The following PDGFC variants were observed in gnomAD, a reference collection of about 807,000 sequenced individuals.
PDGFC encodes platelet derived growth factor C.
A neutral mutation model predicts 35.5 loss-of-function variants in PDGFC; 12 were observed. That is an observed-to-expected ratio of 0.34 (90% CI 0.22 to 0.55). The LOEUF is 0.55. PDGFC is among the 20% of genes least tolerant of loss of function. The pLI, the probability that PDGFC is intolerant of heterozygous loss-of-function variation, is 0.91. For synonymous variants in PDGFC, 159 were observed against 148.8 expected, an observed-to-expected ratio of 1.07 and a Z score of -0.50; for missense variants, 322 against 412.4, an observed-to-expected ratio of 0.78 and a Z score of 1.90.
intron 1 of PDGFC, among the ~76,000 whole-genome samples, chr4:156,946,670 C>G (rs1217872112): frequency 1.3e-5 from 2 of 152,026 alleles, no homozygotes; most frequent in African/African-American, 4.8e-5. Context: ...ATGAGACAGA[C>G]AGAGCCCGGG....
In PDGFC at chr4:156,807,137, T is replaced by C. The variant is rs1168631439; in HGVS notation, c.495+3700A>G. The stretch of plus-strand genomic sequence containing the variant: ...GGCATCAATTTGCAGAAATTTATTT[T>C]TTATTAGTTATTAATGGAGCATGAC... On this transcript the variant is annotated intron_variant, in intron 3 of 5. Coordinates refer to ENST00000502773, the MANE Select transcript of PDGFC (RefSeq NM_016205.3). Among the ~76,000 whole-genome samples, 3 of 152,118 alleles carry C rather than the reference T, an allele frequency of 2.0e-5. No individual in the cohort carries two copies. The South Asian group carries it at 6.2e-4, about 32-fold the overall frequency.
intron 1 of PDGFC, among the ~76,000 whole-genome samples, chr4:156,864,782 T>C (rs1729794832): frequency 6.6e-6 from 1 of 152,136 alleles, no homozygotes; most frequent in African/African-American, 2.4e-5. Flanking sequence ...TAACATGATT[T>C]GCTAAATAAT....
intron 1 of PDGFC, among the ~76,000 whole-genome samples, chr4:156,922,727 T>A (rs1252905229): frequency 2.0e-5 from 3 of 152,076 alleles, no homozygotes; most frequent in Admixed American, 2.0e-4. Context: ...CTTCATGAGA[T>A]GCTGTTGGGT....
chr4:156,889,617 GGTATTA>G (rs915586147), intron 1 of PDGFC, among the ~76,000 whole-genome samples: 5 of 152,158 alleles, frequency 3.3e-5, no homozygotes, highest in Middle Eastern at 3.4e-3. Context: ...TTTTGTCATG[GGTATTA>G]AGCTCTTAGA....
At chr4:156,837,678 A>G (rs1171110602) in intron 2 of PDGFC, among the ~76,000 whole-genome samples, 1 of 152,126 alleles carries the variant, frequency 6.6e-6, no homozygotes, top group Non-Finnish European at 1.5e-5. Context: ...CAAGGAAGTG[A>G]TCTTTGTGCA....
chr4:156,922,279 T>C (rs140944727), intron 1 of PDGFC, among the ~76,000 whole-genome samples: 2,941 of 152,074 alleles, frequency 0.019, 35 homozygotes, highest in Non-Finnish European at 0.031. Flanking sequence ...GTGTACTGAA[T>C]TGGGAAGGAC....
At position 156,947,915 on chromosome 4, in the gene PDGFC, G is replaced by A. The variant is rs556718584; in HGVS notation, c.118+22871C>T. Among the ~76,000 whole-genome samples the A allele has an allele frequency of 7.9e-5, 12 of 151,994 alleles. No homozygotes were observed. The South Asian group carries it at 8.3e-4, about 11-fold the overall frequency. ...AGAGACAGGTTCTGGTATGGTTGAC[G>A]GACATTCTATGCCTAGAAAGGGAAA... On this transcript the variant is annotated intron_variant, in intron 1 of 5. Coordinates refer to ENST00000502773, the MANE Select transcript of PDGFC (RefSeq NM_016205.3).
intron 1 of PDGFC, among the ~76,000 whole-genome samples, chr4:156,959,980 A>C (rs1234113334): frequency 6.6e-6 from 1 of 151,964 alleles, no homozygotes; most frequent in African/African-American, 2.4e-5. Flanking sequence ...AATAGAGATG[A>C]CTTAATCACT....
chr4:156,881,873 G>A (rs1338835054), intron 1 of PDGFC, among the ~76,000 whole-genome samples: 1 of 149,818 alleles, frequency 6.7e-6, no homozygotes, highest in Non-Finnish European at 1.5e-5. Flanking sequence ...TAAGCTCTCT[G>A]TCTCTTTGCT....
At chr4:156,817,784 C>T (rs1038261886) in intron 2 of PDGFC, among the ~76,000 whole-genome samples, 2 of 152,082 alleles carry the variant, frequency 1.3e-5, no homozygotes, top group African/African-American at 4.8e-5. Flanking sequence ...TAGGGCTGGG[C>T]GTGGTGGCTC....
intron 2 of PDGFC, among the ~76,000 whole-genome samples, chr4:156,841,688 T>C (rs1294379924): frequency 2.0e-5 from 3 of 151,904 alleles, no homozygotes; most frequent in Admixed American, 2.0e-4. Flanking sequence ...CTTTTTTTGG[T>C]AGAGACAGGG....
intron 3 of PDGFC, among the ~76,000 whole-genome samples, chr4:156,807,212 T>C (rs1229013563): frequency 6.6e-6 from 1 of 152,060 alleles, no homozygotes; most frequent in East Asian, 1.9e-4. Context: ...ATTGAAATGC[T>C]GTAATTTTAA....
chr4:156,898,816 C>T (rs1313287354), intron 1 of PDGFC, among the ~76,000 whole-genome samples: 2 of 152,150 alleles, frequency 1.3e-5, no homozygotes, highest in Non-Finnish European at 2.9e-5. Flanking sequence ...CGCTACTACA[C>T]CTGGCTAATT....
chr4:156,944,311 C>T (rs1445606968), intron 1 of PDGFC, among the ~76,000 whole-genome samples: 1 of 152,066 alleles, frequency 6.6e-6, no homozygotes, highest in East Asian at 1.9e-4. Context: ...CTATATTTAT[C>T]ACTAAATGGA....
At chr4:156,824,624 TGA>T (rs1732391520) in intron 2 of PDGFC, among the ~76,000 whole-genome samples, 1 of 152,130 alleles carries the variant, frequency 6.6e-6, no homozygotes, top group African/African-American at 2.4e-5. Context: ...CTGACATAAG[TGA>T]TTACCTATCT....
intron 1 of PDGFC, among the ~76,000 whole-genome samples, chr4:156,897,609 G>T (rs1021046856): frequency 5.3e-5 from 8 of 152,126 alleles, no homozygotes; most frequent in Middle Eastern, 3.4e-3. Flanking sequence ...GAGAAAATGA[G>T]TCAACTAAAT....
intron 3 of PDGFC, chr4:156,773,733 C>T (rs931991894): frequency 6.6e-6 from 1 of 152,188 alleles, no homozygotes; most frequent in African/African-American, 2.4e-5. Flanking sequence ...AAAAGGATTA[C>T]TGAGGATGTG....
intron 1 of PDGFC, among the ~76,000 whole-genome samples, chr4:156,940,206 C>T (rs1475184152): frequency 6.6e-6 from 1 of 152,076 alleles, no homozygotes; most frequent in African/African-American, 2.4e-5. Flanking sequence ...TCAAGATCAG[C>T]CTTTCCTTCC....
intron 1 of PDGFC, among the ~76,000 whole-genome samples, chr4:156,881,845 A>T (rs1730251650): frequency 6.7e-6 from 1 of 149,614 alleles, no homozygotes; most frequent in East Asian, 2.0e-4. Flanking sequence ...AAAAAAAAAA[A>T]GCAAGAGTTT....
Sources: allele counts gnomAD v4.1 joint callset (sites outside exome capture counted in the v4.1 genomes callset), GRCh38; gene constraint gnomAD v4.1.1; transcripts MANE v1.5; gene names NCBI Gene and HGNC (gene_info 2026-07-23, HGNC 2026-07-21).